MEI1: variants seen among roughly 807,000 people sequenced by gnomAD.
MEI1 encodes the protein meiotic double-stranded break formation protein 1.
A neutral mutation model predicts 146.2 loss-of-function variants in MEI1; 103 were observed. The ratio of observed to expected loss-of-function variants is 0.70; its 90% CI spans 0.60 to 0.83. The LOEUF (loss-of-function observed/expected upper bound fraction) is 0.83. Ranked by LOEUF, MEI1 falls within the 40% of genes least tolerant of loss-of-function variation. MEI1 has a pLI of 0.00. For synonymous variants in MEI1, 652 were observed against 628.2 expected (o/e 1.04, Z -0.57); for missense variants, 1,529 against 1,533.0 (o/e 1.00, Z 0.04).
In MEI1 at chr22:41,699,544, T is replaced by C. The variant is rs773774563; in HGVS notation, c.6T>C (p.Ala2=). 5 of 1,610,900 alleles carry C rather than the reference T, an allele frequency of 3.1e-6. No individual in the cohort carries two copies. The highest frequency in any genetic ancestry group is 3.4e-6 in the Non-Finnish European group (4 of 1,178,616). Residue 2 remains alanine, a synonymous_variant, in exon 1 of 31, where the codon GCT becomes GCC. Transcript: ENST00000401548. The part of the protein sequence containing the change: M[A]VRQAATAGTP... ...AGCTGAGGGCAAGCGAGGAGATGGC[T>C]GTGAGGCAGGCGGCGACGGCGGGCA...
In MEI1 at chr22:41,748,109, A is replaced by G; in HGVS notation, c.1683A>G (p.Arg561=). ...TTCTCTCTCCTGGTTCTTTGCAGAG[A>G]CACTTGGAGCAGACCACCCACCCAG... is the stretch of plus-strand genomic sequence containing the variant. ...CDSLCIPMVM[R]HLEQTTHPAL... is the part of the protein sequence containing the mutation. The change falls in exon 15 of 31, where the codon AGA becomes AGG. Residue 561 remains arginine, a splice_region_variant and synonymous_variant. Coordinates refer to ENST00000401548, the MANE Select transcript of MEI1 (RefSeq NM_152513.4). 2 of 1,611,630 alleles carry G rather than the reference A, an allele frequency of 1.2e-6. No individual in the cohort carries two copies. The highest frequency in any genetic ancestry group is 1.7e-6 in the Non-Finnish European group (2 of 1,177,886).
intron 3 of MEI1, among the ~76,000 whole-genome samples, chr22:41,712,928 C>T (rs1330787188): frequency 6.6e-6 from 1 of 151,186 alleles, no homozygotes; most frequent in Admixed American, 6.6e-5. Context: ...CCTGCCTCAG[C>T]CTCCTGAGTA....
intron 18 of MEI1, among the ~76,000 whole-genome samples, chr22:41,759,895 C>G (rs143249840): frequency 1.3e-5 from 2 of 152,002 alleles, no homozygotes; most frequent in African/African-American, 4.8e-5. Context: ...TTTATTGGGC[C>G]GGGTACGGTG....
intron 5 of MEI1, among the ~76,000 whole-genome samples, chr22:41,717,161 T>C (rs73161359): frequency 0.032 from 4,822 of 152,016 alleles, 121 homozygotes; most frequent in Middle Eastern, 0.044. Context: ...TTTCCCCTTT[T>C]TAAAAAAATT....
chr22:41,709,434 C>A, intron 3 of MEI1: 1 of 688,382 alleles, frequency 1.5e-6, no homozygotes, highest in East Asian at 3.0e-5. Flanking sequence ...GTGGTTCGTC[C>A]TTCACCTTGG....
At chr22:41,789,537 GC>G (rs776985435) in intron 26 of MEI1, among the ~76,000 whole-genome samples, 8 of 152,070 alleles carry the variant, frequency 5.3e-5, no homozygotes, top group Non-Finnish European at 1.0e-4. Context: ...TGGGTCAGTG[GC>G]ATTAAGTACA....
chr22:41,717,498 A>G (rs909336589), intron 5 of MEI1, among the ~76,000 whole-genome samples: 8 of 151,886 alleles, frequency 5.3e-5, no homozygotes, highest in African/African-American at 1.7e-4. Flanking sequence ...AGATCTCACT[A>G]TGTAGAGCAG....
At chr22:41,722,694 A>G (rs1249899460) in intron 6 of MEI1, among the ~76,000 whole-genome samples, 1 of 151,888 alleles carries the variant, frequency 6.6e-6, no homozygotes, top group Non-Finnish European at 1.5e-5. Context: ...CTCATCCTTC[A>G]AGATTTGGTT....
Position 41,752,771 on chromosome 22 carries a change from G to A in MEI1, c.1853+120G>A, listed in dbSNP as rs17002652. On this transcript the variant is annotated intron_variant, in intron 16 of 30. Coordinates refer to ENST00000401548, the MANE Select transcript of MEI1 (RefSeq NM_152513.4). ...GGGCTCATGGTGGTGTTGACATAGT[G>A]TCAGCATTGCTCAGCATCTGGTGCA... The A allele has an allele frequency of 0.019, 15,920 of 852,324 alleles. 1,633 individuals carry two copies. In the African/African-American group the frequency reaches 0.23, roughly 12 times the overall value. The allele number at this position is 852,324 out of a possible 1,614,324, so 52.8% of individuals were successfully genotyped here.
chr22:41,775,305 T>C (rs1297269865), intron 20 of MEI1, among the ~76,000 whole-genome samples: 3 of 152,198 alleles, frequency 2.0e-5, no homozygotes, highest in Non-Finnish European at 1.5e-5. Flanking sequence ...TTCTGTGCAC[T>C]GAATCTGTCC....
chr22:41,760,521 A>G (rs2074414509), intron 18 of MEI1, among the ~76,000 whole-genome samples: 1 of 151,826 alleles, frequency 6.6e-6, no homozygotes, highest in African/African-American at 2.4e-5. Flanking sequence ...AAAATAAATA[A>G]TTAATTAATA....
intron 13 of MEI1, among the ~76,000 whole-genome samples, 173 bp downstream of exon 13, chr22:41,745,237 G>A (rs1053260507): frequency 6.6e-6 from 1 of 152,132 alleles, no homozygotes; most frequent in African/African-American, 2.4e-5. Context: ...TTGAGGACAG[G>A]CAGCTAGGGG....
In MEI1 at chr22:41,784,782, A is replaced by C; in HGVS notation, c.3344A>C (p.Gln1115Pro). The change falls in exon 26 of 31, where the codon CAG becomes CCG. Residue 1115 changes from glutamine to proline, a missense_variant and splice_region_variant. This residue lies in a region of MEI1 where 313 missense variants were observed against 337.3 expected (regional missense o/e 0.93). Coordinates refer to ENST00000401548, the MANE Select transcript of MEI1 (RefSeq NM_152513.4). ...ATTGGGCTGCAGAACCTCCTGGTGC[A>C]GGTAAGGCCCTTGCTGAGTGGGGCT... ...LVIGLQNLLV[Q>P]KDPLLSQACV... 3 of 1,602,328 alleles carry C rather than the reference A, an allele frequency of 1.9e-6. No homozygotes were observed.
rs938608427 is a variant in MEI1, at chr22:41,713,857, A to G, written c.350-145A>G. 6.0e-6 allele frequency: 4 copies of G among 668,418 alleles called. No homozygotes were observed. The African/African-American group carries it at 7.2e-5, about 12-fold the overall frequency. The allele number at this position is 668,418 out of a possible 1,614,324, so 41.4% of individuals were successfully genotyped here. On this transcript the variant is annotated intron_variant, in intron 3 of 30. Transcript: ENST00000401548. ...GCCACTGTGCCTGGCCTGTGCACAC[A>G]TAGTTAAATGGAAGAAATAGAAAAG...
chr22:41,761,430 T>C (rs922121038), intron 18 of MEI1, among the ~76,000 whole-genome samples: 2 of 150,658 alleles, frequency 1.3e-5, no homozygotes, highest in Non-Finnish European at 3.0e-5. Context: ...TTCTCCTGCC[T>C]CAGCCTCCTG....
At chr22:41,713,763 G>A (rs60653661) in intron 3 of MEI1, among the ~76,000 whole-genome samples, 1,798 of 152,264 alleles carry the variant, frequency 0.012, 40 homozygotes, top group African/African-American at 0.041. Context: ...GGTCAGGCTG[G>A]TCTCAAATTC....
intron 20 of MEI1, among the ~76,000 whole-genome samples, chr22:41,771,371 A>G (rs1044207543): frequency 2.0e-5 from 3 of 152,272 alleles, no homozygotes; most frequent in African/African-American, 7.2e-5. Context: ...CTTTTTTGCC[A>G]TGACTTACAT....
Position 41,791,378 on chromosome 22 carries a change from C to T in MEI1, c.3346-2451C>T, listed in dbSNP as rs5758474. Among the ~76,000 whole-genome samples the T allele has an allele frequency of 0.019, 2,892 of 152,282 alleles. 602 individuals are homozygous for T. The East Asian group carries it at 0.47, about 25-fold the overall frequency. ...TGGCACATGCCTGTAGTTCCATCTA[C>T]TCAGGAGGCTGAGATGGGAGGATCA... On this transcript the variant is annotated intron_variant, in intron 26 of 30. Transcript: ENST00000401548.
chr22:41,798,937 T>TGGC (rs1177507956), intron 30 of MEI1, among the ~76,000 whole-genome samples: 3 of 149,466 alleles, frequency 2.0e-5, no homozygotes, highest in Non-Finnish European at 4.4e-5. Flanking sequence ...CTCTGGTAGG[T>TGGC]GGCTGGTTGC....
Sources: allele counts gnomAD v4.1 joint callset (sites outside exome capture counted in the v4.1 genomes callset), GRCh38; gene constraint gnomAD v4.1.1; regional missense constraint gnomAD v4.1.1; transcripts MANE v1.5; gene names NCBI Gene and HGNC (gene_info 2026-07-23, HGNC 2026-07-21).